ZC3H4: variants seen among roughly 807,000 people sequenced by gnomAD.
ZC3H4 encodes zinc finger CCCH-type containing 4.
A neutral mutation model predicts 108.3 loss-of-function variants in ZC3H4; 13 were observed. That is an observed-to-expected ratio of 0.12 (90% CI 0.08 to 0.19). The LOEUF (loss-of-function observed/expected upper bound fraction) is 0.19, where lower values mean the gene tolerates loss of function less well. Among genes scored for constraint, ZC3H4 ranks in the 10% least tolerant of loss-of-function variants. ZC3H4 has a pLI of 1.00. For synonymous variants in ZC3H4, 917 were observed against 749.6 expected (o/e 1.22, Z -3.65); for missense variants, 1,734 against 1,838.8 (o/e 0.94, Z 1.04).
intron 11 of ZC3H4, among the ~76,000 whole-genome samples, chr19:47,079,380 CTTTTT>C (rs546892078): frequency 7.4e-6 from 1 of 134,964 alleles, no homozygotes; most frequent in Non-Finnish European, 1.6e-5. Context: ...TTTCTTTTTA[CTTTTT>C]TTTTTTTTTT....
chr19:47,086,841 C>A (rs1281023137), intron 5 of ZC3H4, among the ~76,000 whole-genome samples: 1 of 152,206 alleles, frequency 6.6e-6, no homozygotes, highest in African/African-American at 2.4e-5. Context: ...AGCCCATGGG[C>A]TAATGTGCAA....
At chr19:47,086,638 T>C (rs2303108) in intron 5 of ZC3H4, 100 bp from the exon 6 acceptor site, 973,196 of 1,440,244 alleles carry the variant, frequency 0.68, 335,491 homozygotes, top group Non-Finnish European at 0.72. Context: ...TCACTTCAGC[T>C]GCCTCCTCCT....
chr19:47,111,269 G>A (rs1003765811), intron 2 of ZC3H4, among the ~76,000 whole-genome samples: 1 of 152,224 alleles, frequency 6.6e-6, no homozygotes, highest in Non-Finnish European at 1.5e-5. Flanking sequence ...TTCTGCTCGA[G>A]CAGGGGAAGG....
At chr19:47,071,360 G>A (rs956687035) in intron 13 of ZC3H4, among the ~76,000 whole-genome samples, 1 of 152,138 alleles carries the variant, frequency 6.6e-6, no homozygotes, top group African/African-American at 2.4e-5. Flanking sequence ...CAGGAAAACG[G>A]CCGGTAATGG....
Position 47,072,072 on chromosome 19 carries a change from T to G in ZC3H4, c.1852A>C (p.Met618Leu). 2.5e-6 allele frequency: 4 copies of G among 1,577,906 alleles called. No individual in the cohort carries two copies. The highest frequency in any genetic ancestry group is 1.7e-6 in the Non-Finnish European group (2 of 1,162,484). The change falls in exon 13 of 15, where the codon ATG (methionine) becomes CTG (leucine). Residue 618 changes from methionine (M) to leucine (L), a missense_variant. Met to Leu is a conservative substitution (Grantham distance 15). This residue lies in a region of ZC3H4 where 540 missense variants were observed against 484.1 expected (regional missense o/e 1.12). Coordinates refer to ENST00000253048, the MANE Select transcript of ZC3H4 (RefSeq NM_015168.2). This position sits in a 1 kb window ranked among gnomAD's most constrained non-coding sequence, Gnocchi z 5.6. ...CCGCCCATTGGCCCTGGGGGTCCCA[T>G]GTTGGGCCCAGGGCCCATTGGCCCT... The part of the protein sequence containing the change: ...PPGPMGPGPN[M>L]GPPGPMGGPM...
chr19:47,087,201 G>A (rs1018305384), intron 5 of ZC3H4, among the ~76,000 whole-genome samples: 5 of 151,356 alleles, frequency 3.3e-5, no homozygotes, highest in African/African-American at 7.3e-5. Flanking sequence ...GCTTGAACCC[G>A]GGAGGCAGAG....
rs2303107 is a variant in ZC3H4 at position 47,084,515 on chromosome 19, G to C, written c.1108-60C>G. The C allele has an allele frequency of 3.2e-6, 5 of 1,556,556 alleles. No homozygotes were observed. In the African/African-American group the frequency reaches 6.8e-5, roughly 21 times the overall value. ...GAAAGGGAAGGGTAGAGATGGGATCGGGGTTAATAAGAAGCACGGGAGAAG... is the reference window on the plus strand; with the variant it reads ...GAAAGGGAAGGGTAGAGATGGGATCCGGGTTAATAAGAAGCACGGGAGAAG... On this transcript the variant is annotated intron_variant, in intron 8 of 14. Transcript: ENST00000253048.
chr19:47,087,708 T>A (rs1411740195), intron 5 of ZC3H4, among the ~76,000 whole-genome samples: 1 of 151,526 alleles, frequency 6.6e-6, no homozygotes, highest in Non-Finnish European at 1.5e-5. Flanking sequence ...GTGAAACCCA[T>A]CTCTACTAAA....
chr19:47,098,351 G>A (rs1471106954), intron 2 of ZC3H4, among the ~76,000 whole-genome samples: 1 of 152,062 alleles, frequency 6.6e-6, no homozygotes, highest in Non-Finnish European at 1.5e-5. Flanking sequence ...TTAGCTGGGC[G>A]CGATGGTGGG....
chr19:47,102,874 G>A (rs1435187950), intron 2 of ZC3H4, among the ~76,000 whole-genome samples: 7 of 151,906 alleles, frequency 4.6e-5, no homozygotes, highest in Admixed American at 6.6e-5. Context: ...GAATGCCTTC[G>A]CCCCCAAGTG....
chr19:47,093,102 G>C (rs1411926688), intron 4 of ZC3H4, among the ~76,000 whole-genome samples: 1 of 150,476 alleles, frequency 6.6e-6, no homozygotes, highest in African/African-American at 2.4e-5. Flanking sequence ...TGTAGTCCCA[G>C]CTACTCAGGA....
rs1455177748 is a variant in ZC3H4 at position 47,065,851 on chromosome 19, G to C, written c.*505C>G. ...CAGCCTGCACTGAAAAGACAGTGAT[G>C]GTGCACCCTAGGGTTCTAGAAACGC... On this transcript the variant is annotated 3_prime_UTR_variant, in exon 15 of 15. Transcript: ENST00000253048. The C allele has an allele frequency of 1.3e-5, 2 of 153,126 alleles. No homozygotes were observed. Among genetic ancestry groups the C allele is most frequent in the Non-Finnish European group, 2.9e-5 (2 of 68,710 alleles). The allele number at this position is 153,126 out of a possible 1,614,324, so 9.5% of individuals were successfully genotyped here.
At chr19:47,106,239 TC>T (rs1161021329) in intron 2 of ZC3H4, among the ~76,000 whole-genome samples, 9 of 152,284 alleles carry the variant, frequency 5.9e-5, no homozygotes, top group African/African-American at 1.9e-4. Context: ...ACCATAGCTG[TC>T]CACCACCCAT....
At position 47,081,525 on chromosome 19, in the gene ZC3H4, C is replaced by A. The variant is rs1398515603; in HGVS notation, c.1428G>T (p.Glu476Asp). 2 of 1,614,064 alleles carry A rather than the reference C, an allele frequency of 1.2e-6. No individual in the cohort carries two copies. Among genetic ancestry groups the A allele is most frequent in the African/African-American group, 2.7e-5 (2 of 74,948 alleles). ...SHDPLTEETR[E>D]LLDKMLADDA... is the part of the protein sequence containing the mutation. ...CCCCGGACATTACCTTATCCAAGAG[C>A]TCCCTCGTCTCTTCGGTCAGAGGGT... The change falls in exon 11 of 15, where the codon GAG becomes GAT. Residue 476 changes from glutamate to aspartate, a missense_variant. This residue lies in a region of ZC3H4 where 66 missense variants were observed against 166.8 expected (regional missense o/e 0.40). Coordinates refer to ENST00000253048, the MANE Select transcript of ZC3H4 (RefSeq NM_015168.2).
chr19:47,087,937 G>C (rs1194656990), intron 5 of ZC3H4, among the ~76,000 whole-genome samples: 1 of 152,062 alleles, frequency 6.6e-6, no homozygotes, highest in African/African-American at 2.4e-5. Context: ...ACTTTGGGAG[G>C]CTGAGGCGGG....
At chr19:47,073,699 A>G (rs1459564297) in intron 11 of ZC3H4, among the ~76,000 whole-genome samples, 2 of 152,194 alleles carry the variant, frequency 1.3e-5, no homozygotes, top group Non-Finnish European at 2.9e-5. Context: ...TGTACACACT[A>G]AGCAATCGCT....
At chr19:47,109,474 GGAGAAAGAATTT>G (rs900273341) in intron 2 of ZC3H4, among the ~76,000 whole-genome samples, 351 of 152,248 alleles carry the variant, frequency 2.3e-3, no homozygotes, top group African/African-American at 8.1e-3. Context: ...CTCAGCTCCT[GGAGAAAGAATTT>G]TACAAAGGAT....
intron 4 of ZC3H4, among the ~76,000 whole-genome samples, chr19:47,093,559 T>C (rs1295204393): frequency 6.6e-6 from 1 of 152,150 alleles, no homozygotes; most frequent in Non-Finnish European, 1.5e-5. Flanking sequence ...TCCCAGCTCC[T>C]TTACTTCAGA....
In ZC3H4 at chr19:47,071,788, C is replaced by A. The variant is rs752556527; in HGVS notation, c.2136G>T (p.Leu712=). 6.2e-7 allele frequency: 1 copy of A among 1,609,646 alleles called. No individual in the cohort carries two copies. Among genetic ancestry groups the A allele is most frequent in the Middle Eastern group, 1.7e-4 (1 of 6,020 alleles). ...QEGMEMEPGL[L]GDAEDYGHYE... ...TGGAGTCCCGCATACCTGCATCCCC[C>A]AGGAGTCCGGGCTCCATCTCCATGC... Residue 712 remains leucine (L), a synonymous_variant, in exon 13 of 15, where the codon CTG becomes CTT. Transcript: ENST00000253048.
Sources: allele counts gnomAD v4.1 joint callset (sites outside exome capture counted in the v4.1 genomes callset), GRCh38; gene constraint gnomAD v4.1.1; regional missense constraint gnomAD v4.1.1; non-coding constraint Gnocchi (gnomAD v3.1); transcripts MANE v1.5; gene names NCBI Gene and HGNC (gene_info 2026-07-23, HGNC 2026-07-21).